The following GRIN2B variants were observed in gnomAD, a reference collection of about 807,000 sequenced individuals.
The protein encoded by GRIN2B is glutamate ionotropic receptor NMDA type subunit 2B, also known as glutamate receptor ionotropic, NMDA 2B.
Under a neutral mutation model 114.5 loss-of-function variants are expected in GRIN2B, and 5 were observed. That is an observed-to-expected ratio of 0.04 (90% CI 0.02 to 0.09). GRIN2B has a LOEUF of 0.09. GRIN2B is among the 10% of genes least tolerant of loss of function. The pLI is 1.00. For missense variants in GRIN2B, 1,108 were observed against 1,943.5 expected, an observed-to-expected ratio of 0.57 and a Z score of 8.08; for synonymous variants, 787 against 745.1, an observed-to-expected ratio of 1.06 and a Z score of -0.92.
intron 4 of GRIN2B, among the ~76,000 whole-genome samples, chr12:13,705,667 A>G (rs1371555219): frequency 1.5e-4 from 23 of 152,154 alleles, no homozygotes; most frequent in Admixed American, 1.5e-3. Context: ...ATTGAAAGTC[A>G]TTGATGAGAT....
intron 3 of GRIN2B, among the ~76,000 whole-genome samples, chr12:13,817,071 G>C (rs572103788): frequency 1.3e-5 from 2 of 152,050 alleles, no homozygotes; most frequent in South Asian, 4.1e-4. Flanking sequence ...CTTTATCATT[G>C]AGGGTTTGGT....
chr12:13,898,626 A>G (rs1382348020), intron 2 of GRIN2B, among the ~76,000 whole-genome samples: 1 of 152,194 alleles, frequency 6.6e-6, no homozygotes, highest in Non-Finnish European at 1.5e-5. Context: ...AATGACGACA[A>G]CTGGGCTGGG....
intron 2 of GRIN2B, among the ~76,000 whole-genome samples, chr12:13,868,208 GT>G (rs754885896): frequency 6.6e-6 from 1 of 151,308 alleles, no homozygotes; most frequent in Non-Finnish European, 1.5e-5. Flanking sequence ...TAGCTCAGTG[GT>G]TCATGCCTGA....
At chr12:13,819,345 G>A (rs776935097) in intron 3 of GRIN2B, among the ~76,000 whole-genome samples, 2 of 152,106 alleles carry the variant, frequency 1.3e-5, no homozygotes, top group South Asian at 2.1e-4. Context: ...TTTTGTTACC[G>A]GGGCCCTAGA....
At chr12:13,956,718 T>C (rs969662261) in intron 2 of GRIN2B, among the ~76,000 whole-genome samples, 3 of 152,172 alleles carry the variant, frequency 2.0e-5, no homozygotes, top group Admixed American at 2.0e-4. Flanking sequence ...AAACTTCCAT[T>C]TCCCTGTAAA....
At chr12:13,906,330 T>C (rs1866533939) in intron 2 of GRIN2B, among the ~76,000 whole-genome samples, 1 of 152,184 alleles carries the variant, frequency 6.6e-6, no homozygotes, top group South Asian at 2.1e-4. Flanking sequence ...TCCTCCTATG[T>C]CAAAGCTTAA....
At chr12:13,593,183 T>C (rs550735804) in intron 10 of GRIN2B, among the ~76,000 whole-genome samples, 6 of 152,168 alleles carry the variant, frequency 3.9e-5, no homozygotes, top group African/African-American at 7.2e-5. Context: ...CTTCACAGAA[T>C]TGGAAAAAAC....
At chr12:13,605,411 A>T (rs1244785093) in intron 10 of GRIN2B, among the ~76,000 whole-genome samples, 1 of 152,146 alleles carries the variant, frequency 6.6e-6, no homozygotes, top group South Asian at 2.1e-4. Flanking sequence ...TGGTTGAAAA[A>T]GATGAACAGT....
chr12:13,760,250 G>A (rs553905392), intron 3 of GRIN2B, among the ~76,000 whole-genome samples: 123 of 152,276 alleles, frequency 8.1e-4, no homozygotes, highest in Middle Eastern at 6.8e-3. Context: ...GGCAGGGATC[G>A]GCATGTGTTT....
chr12:13,848,803 A>AG (rs1865509871), intron 3 of GRIN2B, among the ~76,000 whole-genome samples: 1 of 152,174 alleles, frequency 6.6e-6, no homozygotes, highest in South Asian at 2.1e-4. Flanking sequence ...CCAACGTGAG[A>AG]GAAAGTGCTC....
intron 3 of GRIN2B, among the ~76,000 whole-genome samples, chr12:13,763,877 A>G (rs1485659402): frequency 1.3e-5 from 2 of 152,142 alleles, no homozygotes. Context: ...TATACTGAAA[A>G]TTGCTCTCCT....
At position 13,569,364 on chromosome 12, in the gene GRIN2B, A is replaced by G. The variant is rs563055389; in HGVS notation, c.2359+466T>C. Among the ~76,000 whole-genome samples, 15 of 152,288 alleles carry G rather than the reference A, an allele frequency of 9.8e-5. No individual in the cohort carries two copies. The South Asian group carries it at 2.5e-3, about 25-fold the overall frequency. ...TATGGTGAACCCCTAATCTAATATG[A>G]CTGGCATTCTTAAGAAAAAGGGAAA... On this transcript the variant is annotated intron_variant, in intron 12 of 13. Transcript: ENST00000609686.
At chr12:13,764,851 GC>G (rs1418829011) in intron 3 of GRIN2B, among the ~76,000 whole-genome samples, 7 of 152,160 alleles carry the variant, frequency 4.6e-5, no homozygotes, top group Non-Finnish European at 8.8e-5. Context: ...GCTTATTCTT[GC>G]CCCCATCCTC....
intron 2 of GRIN2B, 43 bp from the exon 3 acceptor site, chr12:13,866,269 C>A (rs1865827732): frequency 1.3e-6 from 2 of 1,547,518 alleles, no homozygotes; most frequent in Non-Finnish European, 1.8e-6. Flanking sequence ...GGATCTACAT[C>A]ACGTAACCTG....
intron 3 of GRIN2B, among the ~76,000 whole-genome samples, chr12:13,822,199 T>C (rs1209208260): frequency 1.3e-5 from 2 of 152,100 alleles, no homozygotes; most frequent in Non-Finnish European, 2.9e-5. Flanking sequence ...TAGGAAAAAA[T>C]GATGGAATCA....
chr12:13,735,980 C>T (rs540865009), intron 4 of GRIN2B, among the ~76,000 whole-genome samples: 104 of 151,958 alleles, frequency 6.8e-4, no homozygotes, highest in African/African-American at 2.4e-3. Flanking sequence ...GTGTCCTTTA[C>T]ACGGGATTCA....
rs146937365 is a variant in GRIN2B at position 13,678,808 on chromosome 12, G to A, written c.1011-2949C>T. Among the ~76,000 whole-genome samples, 398 of 152,162 alleles carry A rather than the reference G, an allele frequency of 2.6e-3. 5 individuals are homozygous for A. Among genetic ancestry groups the A allele is most frequent in the African/African-American group, 9.2e-3 (384 of 41,518 alleles). ...ATAGAATATAATTACAAAACCATGA[G>A]ACAGGATATTTTAAACCAACAAACT... is the stretch of plus-strand genomic sequence containing the variant. On this transcript the variant is annotated intron_variant, in intron 4 of 13. Transcript: ENST00000609686.
At chr12:13,707,334 T>G (rs1444071780) in intron 4 of GRIN2B, among the ~76,000 whole-genome samples, 4 of 152,080 alleles carry the variant, frequency 2.6e-5, no homozygotes, top group Non-Finnish European at 5.9e-5. Context: ...TAACGGATAT[T>G]TTATGAAAGA....
intron 4 of GRIN2B, among the ~76,000 whole-genome samples, chr12:13,710,923 A>T (rs1454551169): frequency 6.6e-6 from 1 of 152,094 alleles, no homozygotes; most frequent in African/African-American, 2.4e-5. Context: ...TTGCCAAGTC[A>T]ATCCTAAGCC....
Sources: gnomAD v4.1 joint callset for allele counts (sites outside exome capture counted in the v4.1 genomes callset) on GRCh38, gnomAD v4.1.1 for gene constraint, MANE v1.5 for transcripts, NCBI Gene and HGNC (gene_info 2026-07-23, HGNC 2026-07-21) for gene names.